Variants in PRICKLE2 observed in about 807,000 individuals in gnomAD.
PRICKLE2 encodes the protein prickle planar cell polarity protein 2, also known as prickle-like protein 2.
PRICKLE2 carries 21 observed loss-of-function variants against 81.4 expected under a neutral mutation model. That is an observed-to-expected ratio of 0.26 (90% confidence interval 0.18 to 0.37). PRICKLE2 has a LOEUF of 0.37. Among genes scored for constraint, PRICKLE2 ranks in the 10% least tolerant of loss-of-function variants. The pLI, the probability that PRICKLE2 is intolerant of heterozygous loss-of-function variation, is 1.00. For missense variants in PRICKLE2, 940 were observed against 1,109.0 expected (o/e 0.85, Z 2.16); for synonymous variants, 456 against 421.5 (o/e 1.08, Z -1.00).
intron 2 of PRICKLE2, among the ~76,000 whole-genome samples, chr3:64,195,392 G>C (rs1265848016): frequency 6.6e-6 from 1 of 152,248 alleles, no homozygotes; most frequent in South Asian, 2.1e-4. Flanking sequence ...TTTCTCAGGA[G>C]AAATAAAATA....
intron 2 of PRICKLE2, among the ~76,000 whole-genome samples, chr3:64,255,161 C>T (rs1260998531): frequency 1.3e-5 from 2 of 152,168 alleles, no homozygotes; most frequent in African/African-American, 4.8e-5. Context: ...AGATCACATA[C>T]CCACTTACTG....
At chr3:64,247,959 G>C (rs554543096) in intron 2 of PRICKLE2, among the ~76,000 whole-genome samples, 18 of 152,222 alleles carry the variant, frequency 1.2e-4, no homozygotes, top group Admixed American at 4.6e-4. Context: ...TTATTCTTTA[G>C]AAGGGTCAGA....
rs775299661 is a variant in PRICKLE2 at position 64,198,823 on chromosome 3, T to C, written c.105A>G (p.Glu35=). The change falls in exon 2 of 8, where the codon GAA becomes GAG. Residue 35 remains glutamate, a synonymous_variant. Transcript: ENST00000638394. ...GACCCGGCGGGACCCAGGCATACTC[T>C]TCCAAAGCACAGCCTGAGTCATCAT... ...TSDDDSGCAL[E]EYAWVPPGLK... The C allele has an allele frequency of 1.2e-5, 19 of 1,613,984 alleles. No homozygotes were observed. The highest frequency in any genetic ancestry group is 1.5e-5 in the Non-Finnish European group (18 of 1,180,014).
chr3:64,108,315 T>G (rs1349218806), intron 7 of PRICKLE2, among the ~76,000 whole-genome samples: 2 of 152,212 alleles, frequency 1.3e-5, no homozygotes, highest in African/African-American at 4.8e-5. Flanking sequence ...GGTACATATT[T>G]GTTTGTTTGA....
chr3:64,232,633 A>T (rs548141688), intron 2 of PRICKLE2, among the ~76,000 whole-genome samples: 1 of 152,136 alleles, frequency 6.6e-6, no homozygotes, highest in Non-Finnish European at 1.5e-5. Context: ...GGACTCCTGT[A>T]TATCTACATT....
chr3:64,137,304 TA>T (rs35742787), intron 7 of PRICKLE2, among the ~76,000 whole-genome samples: 1 of 151,950 alleles, frequency 6.6e-6, no homozygotes, highest in Non-Finnish European at 1.5e-5. Context: ...CACACATTCT[TA>T]AAAAAAATCA....
At chr3:64,176,542 G>A (rs991896183) in intron 2 of PRICKLE2, among the ~76,000 whole-genome samples, 1 of 152,204 alleles carries the variant, frequency 6.6e-6, no homozygotes, top group African/African-American at 2.4e-5. Context: ...AGTGTCCAAA[G>A]TGATTCATAA....
intron 2 of PRICKLE2, among the ~76,000 whole-genome samples, chr3:64,188,129 T>G (rs2078268740): frequency 6.6e-6 from 1 of 152,212 alleles, no homozygotes; most frequent in South Asian, 2.1e-4. Flanking sequence ...GTCTTGGAGA[T>G]TCAAATAATG....
chr3:64,240,646 C>G (rs1333499076), intron 2 of PRICKLE2, among the ~76,000 whole-genome samples: 3 of 152,170 alleles, frequency 2.0e-5, no homozygotes, highest in Non-Finnish European at 2.9e-5. Context: ...AGATCTCCCC[C>G]ACAGCATGGA....
In PRICKLE2 at chr3:64,117,196, T is replaced by C. The variant is rs187712793; in HGVS notation, c.1661-17271A>G. Among the ~76,000 whole-genome samples the C allele has an allele frequency of 3.9e-5, 6 of 152,286 alleles. No homozygotes were observed. In the East Asian group the frequency reaches 9.7e-4, roughly 24 times the overall value. ...CAATAAACTAGGTACTTAATGAACA[T>C]ACCTCAAAATAATAAGAGCCATCCA... On this transcript the variant is annotated intron_variant, in intron 7 of 7. Transcript: ENST00000638394.
chr3:64,158,825 A>T (rs530837281), intron 4 of PRICKLE2, among the ~76,000 whole-genome samples: 1 of 152,000 alleles, frequency 6.6e-6, no homozygotes, highest in South Asian at 2.1e-4. Context: ...ATATAACTGA[A>T]CCTTCTCACT....
At chr3:64,121,812 A>G (rs920678214) in intron 7 of PRICKLE2, among the ~76,000 whole-genome samples, 1 of 152,180 alleles carries the variant, frequency 6.6e-6, no homozygotes, top group African/African-American at 2.4e-5. Flanking sequence ...TATATTTGCT[A>G]TAAACGGTGC....
chr3:64,145,901 C>A (rs1334277961), intron 7 of PRICKLE2: 4 of 152,050 alleles, frequency 2.6e-5, no homozygotes, highest in Admixed American at 2.6e-4. Flanking sequence ...CATGAGGTCT[C>A]CACTCTCATG....
Position 64,130,910 on chromosome 3 carries a change from C to T in PRICKLE2, c.1660+15920G>A, listed in dbSNP as rs747519240. On this transcript the variant is annotated intron_variant, in intron 7 of 7. Transcript: ENST00000638394. ...ATTTTAGCCTCTGCCTTACATCTTT[C>T]CAGTGGGTACCCAATCTAATTCTCT... Among the ~76,000 whole-genome samples the T allele has an allele frequency of 3.6e-4, 55 of 152,268 alleles. 2 individuals carry two copies. Among genetic ancestry groups the T allele is most frequent in the Admixed American group, 1.8e-3 (28 of 15,288 alleles).
intron 2 of PRICKLE2, among the ~76,000 whole-genome samples, chr3:64,267,104 C>A (rs2079722158): frequency 6.6e-6 from 1 of 152,042 alleles, no homozygotes; most frequent in Non-Finnish European, 1.5e-5. Context: ...TTAAAATTTC[C>A]CAGGGCACGG....
At chr3:64,132,969 G>A (rs1441863969) in intron 7 of PRICKLE2, among the ~76,000 whole-genome samples, 1 of 152,168 alleles carries the variant, frequency 6.6e-6, no homozygotes, top group Non-Finnish European at 1.5e-5. Context: ...GACAACAGGG[G>A]TAGGAGTGGG....
At chr3:64,120,363 T>G (rs894511553) in intron 7 of PRICKLE2, among the ~76,000 whole-genome samples, 2 of 152,214 alleles carry the variant, frequency 1.3e-5, no homozygotes, top group Non-Finnish European at 1.5e-5. Context: ...TAAAATGCAC[T>G]GGTGCTTCCG....
At chr3:64,221,461 A>ACG (rs1454613748) in intron 1 of PRICKLE2, among the ~76,000 whole-genome samples, 36 of 149,282 alleles carry the variant, frequency 2.4e-4, no homozygotes, top group African/African-American at 8.6e-4. Flanking sequence ...ACACACACGC[A>ACG]CACACACAGC....
chr3:64,238,514 A>G (rs1378662269), intron 2 of PRICKLE2, among the ~76,000 whole-genome samples: 2 of 151,788 alleles, frequency 1.3e-5, no homozygotes, highest in East Asian at 3.9e-4. Flanking sequence ...AAAAGAAAAG[A>G]AAAGAAAAGA....
Sources: allele counts gnomAD v4.1 joint callset (sites outside exome capture counted in the v4.1 genomes callset), GRCh38; gene constraint gnomAD v4.1.1; transcripts MANE v1.5; gene names NCBI Gene and HGNC (gene_info 2026-07-23, HGNC 2026-07-21).